UPRT: variants seen among roughly 807,000 people sequenced by gnomAD.
The protein encoded by UPRT is uracil phosphoribosyltransferase homolog, also known as RP11-311P8.3.
In UPRT, 5 loss-of-function variants were observed where a neutral mutation model predicts 22.6. The observed-to-expected ratio is 0.22, with a 90% CI of 0.12 to 0.47. The LOEUF (loss-of-function observed/expected upper bound fraction) is 0.47. UPRT is among the 20% of genes least tolerant of loss of function. The pLI is 0.99. For synonymous variants in UPRT, 77 were observed against 87.7 expected (o/e 0.88, Z 0.68); for missense variants, 181 against 239.9 (o/e 0.75, Z 1.62).
chrX:75,240,386 C>T (rs961400253), intron 4 of UPRT, among the ~76,000 whole-genome samples: 5 of 111,391 alleles, frequency 4.5e-5, no homozygotes, highest in African/African-American at 1.6e-4. Context: ...AGGAATATAC[C>T]TAACCAAAGA....
intron 4 of UPRT, among the ~76,000 whole-genome samples, chrX:75,233,461 A>C (rs1238280888): frequency 9.0e-6 from 1 of 110,691 alleles, no homozygotes; most frequent in Non-Finnish European, 1.9e-5. Flanking sequence ...CCACGAGAAG[A>C]GTAACACCAA....
At chrX:75,255,076 G>A (rs1380697569) in intron 4 of UPRT, among the ~76,000 whole-genome samples, 1 of 111,001 alleles carries the variant, frequency 9.0e-6, no homozygotes, top group East Asian at 2.8e-4. Context: ...CGCCCGGCCA[G>A]GAAAGAATCT....
intron 5 of UPRT, 34 bp from the exon 6 acceptor site, chrX:75,300,833 G>T (rs1426356317): frequency 9.2e-7 from 1 of 1,081,490 alleles, no homozygotes; most frequent in Non-Finnish European, 1.3e-6. Flanking sequence ...GAATGTTAAG[G>T]TTGCTAATTC....
At chrX:75,280,681 G>T (rs1602489742) in intron 1 of UPRT, among the ~76,000 whole-genome samples, 1 of 111,821 alleles carries the variant, frequency 8.9e-6, no homozygotes, top group Non-Finnish European at 1.9e-5. Context: ...TGGCCTTATA[G>T]TATAGTTTGA....
At chrX:75,180,681 G>GTTTTTTTTTTTTGTTTT (rs2082266200) in intron 4 of UPRT, among the ~76,000 whole-genome samples, 45 of 43,883 alleles carry the variant, frequency 1.0e-3, no homozygotes, top group East Asian at 1.7e-3. Context: ...CCTTTTCTCT[G>GTTTTTTTTTTTTGTTTT]TTTTTTTTTT....
chrX:75,193,615 T>C (rs185641548), intron 4 of UPRT, among the ~76,000 whole-genome samples: 2 of 111,866 alleles, frequency 1.8e-5, no homozygotes, highest in East Asian at 5.6e-4. Flanking sequence ...TCTCTTTACA[T>C]TATTTTATTA....
At chrX:75,190,702 T>C (rs2082311908) in intron 4 of UPRT, among the ~76,000 whole-genome samples, 1 of 111,714 alleles carries the variant, frequency 9.0e-6, no homozygotes, top group South Asian at 3.8e-4. Flanking sequence ...TCTCTAAACT[T>C]CTCTTCTCGC....
intron 4 of UPRT, among the ~76,000 whole-genome samples, chrX:75,217,605 T>G (rs1482065009): frequency 8.9e-6 from 1 of 112,079 alleles, no homozygotes; most frequent in Non-Finnish European, 1.9e-5. Flanking sequence ...GGCTCTCTGT[T>G]TGTCTGTTGT....
chrX:75,162,850 G>A (rs986065367), intron 2 of UPRT, among the ~76,000 whole-genome samples: 1 of 111,721 alleles, frequency 9.0e-6, no homozygotes, highest in Non-Finnish European at 1.9e-5. Context: ...GTACATCGAG[G>A]TAGTACTGAA....
chrX:75,178,359 A>G (rs1014502960), intron 4 of UPRT, among the ~76,000 whole-genome samples: 1 of 111,967 alleles, frequency 8.9e-6, no homozygotes, highest in Non-Finnish European at 1.9e-5. Flanking sequence ...GCGATAGGCG[A>G]AAGTCTCACC....
At chrX:75,172,696 C>G (rs1403858774) in intron 4 of UPRT, among the ~76,000 whole-genome samples, 1 of 110,384 alleles carries the variant, frequency 9.1e-6, no homozygotes, top group Non-Finnish European at 1.9e-5. Flanking sequence ...GGTTCGTGGT[C>G]TCGCTGGCTT....
At chrX:75,257,770 A>C (rs768732935) in intron 4 of UPRT, among the ~76,000 whole-genome samples, 3 of 110,230 alleles carry the variant, frequency 2.7e-5, no homozygotes, top group Non-Finnish European at 5.7e-5. Flanking sequence ...ATGATCCCTT[A>C]AAAAAAAATC....
intron 4 of UPRT, among the ~76,000 whole-genome samples, chrX:75,177,817 A>C (rs926842751): frequency 8.9e-6 from 1 of 112,044 alleles, no homozygotes; most frequent in Non-Finnish European, 1.9e-5. Flanking sequence ...TGCCTAAAGA[A>C]GGTAACAGAG....
At chrX:75,179,463 T>G (rs1376575093) in intron 4 of UPRT, among the ~76,000 whole-genome samples, 1 of 113,391 alleles carries the variant, frequency 8.8e-6, no homozygotes, top group African/African-American at 3.2e-5. Context: ...ACCTAGTGGA[T>G]CCTACACCAG....
At chrX:75,253,063 G>T (rs889854237) in intron 4 of UPRT, among the ~76,000 whole-genome samples, 1 of 110,368 alleles carries the variant, frequency 9.1e-6, no homozygotes, top group Non-Finnish European at 1.9e-5. Context: ...GAGGGGGGAG[G>T]GATAGCATTA....
intron 1 of UPRT, chrX:75,291,641 A>C (rs2082708383): frequency 6.8e-6 from 1 of 146,834 alleles, no homozygotes; most frequent in Non-Finnish European, 1.3e-5. Flanking sequence ...GTGGAATTAA[A>C]AAAAAAAAAC....
chrX:75,183,938 A>G (rs1025943971), intron 4 of UPRT, among the ~76,000 whole-genome samples: 1 of 111,730 alleles, frequency 9.0e-6, no homozygotes, highest in African/African-American at 3.3e-5. Flanking sequence ...TTGTCAGATG[A>G]GTAGGTTGCG....
intron 4 of UPRT, among the ~76,000 whole-genome samples, chrX:75,213,277 C>T (rs1342332560): frequency 3.6e-5 from 4 of 111,788 alleles, no homozygotes; most frequent in African/African-American, 9.7e-5. Flanking sequence ...GAATTTATTG[C>T]GAGAGTCAAG....
intron 4 of UPRT, among the ~76,000 whole-genome samples, chrX:75,238,512 A>G (rs1034429257): frequency 4.1e-4 from 46 of 112,038 alleles, no homozygotes; most frequent in Non-Finnish European, 3.8e-5. Flanking sequence ...GAAATGAAAT[A>G]AATGGCAATA....
Sources: gnomAD v4.1 joint callset for allele counts (sites outside exome capture counted in the v4.1 genomes callset) on GRCh38, gnomAD v4.1.1 for gene constraint, MANE v1.5 for transcripts, NCBI Gene and HGNC (gene_info 2026-07-23, HGNC 2026-07-21) for gene names.